TIGAR: variants seen among roughly 807,000 people sequenced by gnomAD.
TIGAR encodes the protein TP53 induced glycolysis regulatory phosphatase, also known as fructose-2,6-bisphosphatase TIGAR.
A neutral mutation model predicts 17.9 loss-of-function variants in TIGAR; 7 were observed. That is an observed-to-expected ratio of 0.39 (90% confidence interval 0.22 to 0.73). The LOEUF (loss-of-function observed/expected upper bound fraction) is 0.73, where lower values mean the gene tolerates loss of function less well. TIGAR is among the 30% of genes least tolerant of loss of function. The pLI is 0.42. For missense variants in TIGAR, 258 were observed against 327.4 expected (o/e 0.79, Z 1.64); for synonymous variants, 94 against 108.6 (o/e 0.87, Z 0.84).
intron 1 of TIGAR, among the ~76,000 whole-genome samples, chr12:4,323,216 A>AGT (rs1182655926): frequency 1.3e-5 from 2 of 151,954 alleles, no homozygotes; most frequent in African/African-American, 2.4e-5. Flanking sequence ...TGAGGGCTGT[A>AGT]GTGAGCTGTG....
At chr12:4,323,724 T>A (rs1382199890) in intron 1 of TIGAR, among the ~76,000 whole-genome samples, 1 of 152,230 alleles carries the variant, frequency 6.6e-6, no homozygotes, top group Non-Finnish European at 1.5e-5. Context: ...TTGAGGCTAC[T>A]TTTTAGTCTC....
At chr12:4,330,724 C>T (rs1864594821) in intron 1 of TIGAR, among the ~76,000 whole-genome samples, 1 of 152,142 alleles carries the variant, frequency 6.6e-6, no homozygotes, top group South Asian at 2.1e-4. Flanking sequence ...AAGTGTAGTA[C>T]TCAAACCTCA....
At chr12:4,326,633 C>G (rs1864549545) in intron 1 of TIGAR, among the ~76,000 whole-genome samples, 1 of 152,192 alleles carries the variant, frequency 6.6e-6, no homozygotes, top group African/African-American at 2.4e-5. Context: ...AGTGGTTATG[C>G]TGCTTTCACT....
Position 4,334,421 on chromosome 12 carries a change from C to T in TIGAR, c.71-2618C>T, listed in dbSNP as rs370036331. ...CCTCCCAAAGGCCTGCCTCCTAATA[C>T]GATCACATTGAGGGTTAGGATGTCA... On this transcript the variant is annotated intron_variant, in intron 2 of 5. Transcript: ENST00000179259. Among the ~76,000 whole-genome samples the T allele has an allele frequency of 1.0e-3, 154 of 152,324 alleles. 1 individual carries two copies. The highest frequency in any genetic ancestry group is 3.0e-3 in the African/African-American group (126 of 41,566).
intron 3 of TIGAR, among the ~76,000 whole-genome samples, chr12:4,337,435 C>A (rs71583757): frequency 1.3e-5 from 2 of 152,172 alleles, no homozygotes; most frequent in Admixed American, 6.5e-5. Context: ...GCTGGGATTA[C>A]AGGCGTGAGC....
chr12:4,324,753 T>G, intron 1 of TIGAR: 1 of 711,300 alleles, frequency 1.4e-6, no homozygotes, highest in Non-Finnish European at 2.5e-6. Context: ...CTGGTCCAAG[T>G]CTGTGCCGCG....
At chr12:4,350,042 G>A (rs559294432) in intron 4 of TIGAR, 146 bp downstream of exon 4, 106 of 591,266 alleles carry the variant, frequency 1.8e-4, no homozygotes, top group South Asian at 4.9e-4. Flanking sequence ...GACAGTCACT[G>A]TTACATACCC....
At chr12:4,346,846 A>G (rs975267941) in intron 3 of TIGAR, among the ~76,000 whole-genome samples, 7 of 152,218 alleles carry the variant, frequency 4.6e-5, no homozygotes, top group Admixed American at 2.0e-4. Context: ...CCAAACTACA[A>G]TGAGTATTTT....
intron 1 of TIGAR, among the ~76,000 whole-genome samples, chr12:4,322,145 C>T (rs550182305): frequency 1.1e-4 from 17 of 152,204 alleles, no homozygotes; most frequent in Non-Finnish European, 1.6e-4. Context: ...TACAGGCATG[C>T]GCCACCACGC....
At chr12:4,341,126 T>C (rs1047675973) in intron 3 of TIGAR, among the ~76,000 whole-genome samples, 2 of 152,116 alleles carry the variant, frequency 1.3e-5, no homozygotes, top group African/African-American at 4.8e-5. Flanking sequence ...GAGAAAATAT[T>C]TGTAAACTAC....
Position 4,359,032 on chromosome 12 carries a change from G to A in TIGAR, c.*6341G>A, listed in dbSNP as rs540337131. ...TTGGTCATGTCAGGAGGGACAGGAC[G>A]TTGTATCAATATGTCTGGTTCCTCA... On this transcript the variant is annotated 3_prime_UTR_variant, in exon 6 of 6. Coordinates refer to ENST00000179259, the MANE Select transcript of TIGAR (RefSeq NM_020375.3). Among the ~76,000 whole-genome samples the A allele has an allele frequency of 4.0e-5, 6 of 151,822 alleles. No homozygotes were observed. Among genetic ancestry groups the A allele is most frequent in the South Asian group, 4.2e-4 (2 of 4,816 alleles).
Position 4,359,298 on chromosome 12 carries a change from G to A in TIGAR, c.*6607G>A, listed in dbSNP as rs1864949867. On this transcript the variant is annotated 3_prime_UTR_variant, in exon 6 of 6. Transcript: ENST00000179259. ...TTTATGGTTACACAGTCCCAACTTTGTCCTGTGGGAACCCTTTCAGGCTGG... is the reference window on the plus strand; with the variant it reads ...TTTATGGTTACACAGTCCCAACTTTATCCTGTGGGAACCCTTTCAGGCTGG... Among the ~76,000 whole-genome samples the A allele has an allele frequency of 6.6e-6, 1 of 152,076 alleles. No individual in the cohort carries two copies. Among genetic ancestry groups the A allele is most frequent in the East Asian group, 1.9e-4 (1 of 5,194 alleles).
At chr12:4,338,975 CACAAAAAA>C (rs1440612961) in intron 3 of TIGAR, among the ~76,000 whole-genome samples, 6 of 38,194 alleles carry the variant, frequency 1.6e-4, no homozygotes, top group Admixed American at 3.5e-4. Context: ...AACTTTGTCT[CACAAAAAA>C]AAAAAAAAAA....
In TIGAR at chr12:4,321,301, G is replaced by T. The variant is rs1258600913; in HGVS notation, c.30G>T (p.Arg10=). The change falls in exon 1 of 6, where the codon CGG becomes CGT. Residue 10 remains arginine, a splice_region_variant and synonymous_variant. Transcript: ENST00000179259. The surrounding 1 kb of genome is among the most constrained non-coding windows in gnomAD (Gnocchi z 5.2). ...CTCGCTTCGCTCTGACTGTTGTCCG[G>T]CAGTGAGTATGGCTGTGGCAGGATG... MARFALTVV[R]HGETRFNKEK... 3 of 1,601,230 alleles carry T rather than the reference G, an allele frequency of 1.9e-6. No individual in the cohort carries two copies. Among genetic ancestry groups the T allele is most frequent in the Admixed American group, 3.3e-5 (2 of 60,002 alleles).
chr12:4,339,665 A>C (rs1864698604), intron 3 of TIGAR, among the ~76,000 whole-genome samples: 1 of 152,230 alleles, frequency 6.6e-6, no homozygotes, highest in South Asian at 2.1e-4. Flanking sequence ...TAGCAAACCA[A>C]ATTCAACAAT....
At chr12:4,323,543 T>C (rs1249501932) in intron 1 of TIGAR, among the ~76,000 whole-genome samples, 2 of 152,218 alleles carry the variant, frequency 1.3e-5, no homozygotes, top group African/African-American at 4.8e-5. Flanking sequence ...ATCCTCATTT[T>C]TCACATGAGG....
chr12:4,322,295 C>G lies in TIGAR; in HGVS notation c.32+992C>G, dbSNP rs538513338. 8.5e-5 allele frequency among the ~76,000 whole-genome samples: 13 copies of G among 152,324 alleles called. No individual in the cohort carries two copies. The South Asian group carries it at 2.7e-3, about 32-fold the overall frequency. On this transcript the variant is annotated intron_variant, in intron 1 of 5. Coordinates refer to ENST00000179259, the MANE Select transcript of TIGAR (RefSeq NM_020375.3). ...TACAGGCATGAGCCACCGCGCCCTG[C>G]TAAGAGCACAGATTTTTCAGGCAAG...
Position 4,352,755 on chromosome 12 carries a change from T to C in TIGAR, c.*64T>C. ...TGAAGGGAGTGCCATTGGCTTTATTTACTTCTCTCCTCTGCTAGTTCTGAT... is the reference window on the plus strand; with the variant it reads ...TGAAGGGAGTGCCATTGGCTTTATTCACTTCTCTCCTCTGCTAGTTCTGAT... On this transcript the variant is annotated 3_prime_UTR_variant, in exon 6 of 6. Transcript: ENST00000179259. 6.8e-7 allele frequency: 1 copy of C among 1,476,638 alleles called. No homozygotes were observed. The highest frequency in any genetic ancestry group is 9.1e-7 in the Non-Finnish European group (1 of 1,100,198). 91.5% of individuals were successfully genotyped at this position (1,476,638 alleles called of 1,614,324 possible). A position where few individuals can be genotyped will look rare whatever the true frequency, so the allele number is the denominator to read the frequency against.
At chr12:4,322,613 C>A (rs758234323) in intron 1 of TIGAR, among the ~76,000 whole-genome samples, 1 of 152,170 alleles carries the variant, frequency 6.6e-6, no homozygotes, top group African/African-American at 2.4e-5. Flanking sequence ...AAATAACATA[C>A]CATTTCTGCA....
Sources: gnomAD v4.1 joint callset for allele counts (sites outside exome capture counted in the v4.1 genomes callset) on GRCh38, gnomAD v4.1.1 for gene constraint, Gnocchi (gnomAD v3.1) non-coding constraint, MANE v1.5 for transcripts, NCBI Gene and HGNC (gene_info 2026-07-23, HGNC 2026-07-21) for gene names.